The following ANKFY1 variants were observed in gnomAD, a reference collection of about 807,000 sequenced individuals.
The protein encoded by ANKFY1 is ankyrin repeat and FYVE domain-containing protein 1.
ANKFY1 carries 47 observed loss-of-function variants against 128.3 expected under a neutral mutation model. That is an observed-to-expected ratio of 0.37 (90% CI 0.29 to 0.47). The LOEUF (loss-of-function observed/expected upper bound fraction) is 0.47. Among genes scored for constraint, ANKFY1 ranks in the 20% least tolerant of loss-of-function variants. ANKFY1 has a pLI of 1.00. For synonymous variants in ANKFY1, 553 were observed against 601.6 expected (o/e 0.92, Z 1.18); for missense variants, 1,222 against 1,510.6 (o/e 0.81, Z 3.17).
intron 4 of ANKFY1, among the ~76,000 whole-genome samples, chr17:4,215,606 C>T (rs965533946): frequency 2.6e-4 from 40 of 152,110 alleles, no homozygotes; most frequent in African/African-American, 8.0e-4. Context: ...TTAAGAAAGC[C>T]ATGACAGATA....
chr17:4,189,111 AAGTCCATAGCATCT>A (rs1309791636), intron 11 of ANKFY1, among the ~76,000 whole-genome samples: 2 of 152,152 alleles, frequency 1.3e-5, no homozygotes, highest in Non-Finnish European at 2.9e-5. Context: ...ACCTCTATTA[AAGTCCATAGCATCT>A]AGTTCGGGGT....
chr17:4,229,664 A>G lies in ANKFY1; in HGVS notation c.322+6108T>C, dbSNP rs566966914. On this transcript the variant is annotated intron_variant, in intron 3 of 24. Transcript: ENST00000341657. ...CCCAAAAGCAGTATGAGGATTAAGTAAAGAATATAACCGCAGATAAAATAG... is the reference window on the plus strand; with the variant it reads ...CCCAAAAGCAGTATGAGGATTAAGTGAAGAATATAACCGCAGATAAAATAG... Among the ~76,000 whole-genome samples the G allele has an allele frequency of 1.2e-4, 18 of 152,372 alleles. No individual in the cohort carries two copies. In the South Asian group the frequency reaches 3.7e-3, roughly 32 times the overall value.
chr17:4,172,789 AAAC>A, intron 21 of ANKFY1, 109 bp from the exon 22 acceptor site: 1 of 1,411,298 alleles, frequency 7.1e-7, no homozygotes, highest in Non-Finnish European at 9.5e-7. Flanking sequence ...AAAAGACACA[AAAC>A]AAGTCACAAA....
chr17:4,215,023 T>A lies in ANKFY1; in HGVS notation c.458+1960A>T, dbSNP rs189323906. Among the ~76,000 whole-genome samples the A allele has an allele frequency of 3.9e-4, 60 of 152,314 alleles. No individual in the cohort carries two copies. In the East Asian group the frequency reaches 0.011, roughly 28 times the overall value. On this transcript the variant is annotated intron_variant, in intron 4 of 24. Transcript: ENST00000341657. ...AAAAAGATTAGCCAGGCACGGTAGG[T>A]CACGCCTGTAATCCCAGCACTTTGG...
chr17:4,185,126 CCTCGGGTCCTTGGCTCATCCTGCCGCCAG>C, intron 11 of ANKFY1, 80 bp from the exon 12 acceptor site: 1 of 1,313,322 alleles, frequency 7.6e-7, no homozygotes, highest in Non-Finnish European at 1.1e-6. Flanking sequence ...AAGTGCAAAA[CCTCGGGTCCTTGGCTCATCCTGCCGCCAG>C]CTGCCCCTCC....
In ANKFY1 at chr17:4,242,280, T is replaced by C. The variant is rs1442615197; in HGVS notation, c.179A>G (p.Asp60Gly). Residue 60 changes from aspartate (D) to glycine (G), a missense_variant, in exon 2 of 25, where the codon GAC (aspartate) becomes GGC (glycine). By Grantham distance (94) the Asp-to-Gly change is moderately conservative. Coordinates refer to ENST00000341657, the MANE Select transcript of ANKFY1 (RefSeq NM_001330063.2). Reference sequence around the variant, plus strand: ...CCTGTACTGCTCCTGCTCGTAGAGGTCTGCCACGATGGCCAGCAGACGGCT... The same window carrying C: ...CCTGTACTGCTCCTGCTCGTAGAGGCCTGCCACGATGGCCAGCAGACGGCT... ...FISRLLAIVADLYEQEQYSDL... is the reference protein window; with the variant it reads ...FISRLLAIVAGLYEQEQYSDL... The C allele has an allele frequency of 1.3e-6, 2 of 1,590,768 alleles. No homozygotes were observed. The highest frequency in any genetic ancestry group is 1.8e-5 in the Admixed American group (1 of 54,720).
intron 19 of ANKFY1, 94 bp from the exon 20 acceptor site, chr17:4,174,150 G>C: frequency 1.4e-6 from 2 of 1,432,014 alleles, no homozygotes; most frequent in Non-Finnish European, 1.9e-6. Context: ...GACACCCACA[G>C]AGGCTGATGG....
chr17:4,258,707 G>A (rs1443942852), intron 1 of ANKFY1, among the ~76,000 whole-genome samples: 1 of 152,048 alleles, frequency 6.6e-6, no homozygotes, highest in African/African-American at 2.4e-5. Flanking sequence ...TGAGTACTTG[G>A]AATAGGACTA....
chr17:4,248,120 G>A (rs1457564212), intron 1 of ANKFY1, among the ~76,000 whole-genome samples: 1 of 152,108 alleles, frequency 6.6e-6, no homozygotes, highest in Non-Finnish European at 1.5e-5. Flanking sequence ...TTCTCACATG[G>A]AAAATGAGAC....
At chr17:4,244,624 C>T (rs112856699) in intron 1 of ANKFY1, among the ~76,000 whole-genome samples, 1,778 of 152,224 alleles carry the variant, frequency 0.012, 21 homozygotes, top group Non-Finnish European at 0.018. Context: ...CTGCCTCATT[C>T]CATGCCAACA....
At chr17:4,198,458 G>A (rs1418366842) in intron 7 of ANKFY1, among the ~76,000 whole-genome samples, 6 of 150,584 alleles carry the variant, frequency 4.0e-5, no homozygotes, top group South Asian at 2.1e-4. Context: ...TGCAACTTCC[G>A]CCTCCGAAAT....
intron 8 of ANKFY1, among the ~76,000 whole-genome samples, chr17:4,196,092 C>T (rs1342848530): frequency 1.7e-4 from 19 of 112,590 alleles, no homozygotes; most frequent in African/African-American, 6.6e-4. Flanking sequence ...CCCCGCCCCC[C>T]ACCTCCCCCC....
chr17:4,255,543 C>T (rs981470202), intron 1 of ANKFY1, among the ~76,000 whole-genome samples: 5 of 151,996 alleles, frequency 3.3e-5, no homozygotes, highest in African/African-American at 1.2e-4. Context: ...AGCCACCGTG[C>T]CCAGTCTCTT....
At chr17:4,248,521 T>C (rs139667519) in intron 1 of ANKFY1, among the ~76,000 whole-genome samples, 1 of 152,324 alleles carries the variant, frequency 6.6e-6, no homozygotes, top group African/African-American at 2.4e-5. Flanking sequence ...GTCATTAGGA[T>C]AGGTTAAATC....
intron 24 of ANKFY1, 171 bp from the exon 25 acceptor site, chr17:4,168,082 T>C: frequency 1.5e-6 from 1 of 646,600 alleles, no homozygotes. Flanking sequence ...ATTTTTAGTC[T>C]ATGAAAACAA....
At position 4,167,989 on chromosome 17, in the gene ANKFY1, G is replaced by A; in HGVS notation, c.3378-78C>T. The A allele has an allele frequency of 6.7e-7, 1 of 1,488,652 alleles. No homozygotes were observed. Among genetic ancestry groups the A allele is most frequent in the Non-Finnish European group, 9.0e-7 (1 of 1,106,484 alleles). 92.2% of individuals were successfully genotyped at this position (1,488,652 alleles called of 1,614,324 possible). On this transcript the variant is annotated intron_variant, in intron 24 of 24. Transcript: ENST00000341657. The surrounding 1 kb of genome is among the most constrained non-coding windows in gnomAD (Gnocchi z 4.1). ...TTCCTGGCACGTGAGGACAACCGCA[G>A]CAGGGCCTGGCAGCCAAGGCGCCCG...
At chr17:4,197,192 C>T (rs920349836) in intron 8 of ANKFY1, among the ~76,000 whole-genome samples, 181 bp downstream of exon 8, 2 of 152,180 alleles carry the variant, frequency 1.3e-5, no homozygotes, top group Admixed American at 1.3e-4. Flanking sequence ...ATGTTTTCCC[C>T]AAATGCCTCT....
intron 1 of ANKFY1, among the ~76,000 whole-genome samples, chr17:4,244,518 A>G (rs1008374425): frequency 1.3e-5 from 2 of 152,012 alleles, no homozygotes; most frequent in African/African-American, 4.8e-5. Flanking sequence ...TGCTGCTACA[A>G]TCATCCTCCG....
At chr17:4,215,813 C>A (rs1162695954) in intron 4 of ANKFY1, among the ~76,000 whole-genome samples, 1 of 152,162 alleles carries the variant, frequency 6.6e-6, no homozygotes, top group Non-Finnish European at 1.5e-5. Context: ...CTGACAAGGT[C>A]AACAGGAGAA....
Sources: allele counts gnomAD v4.1 joint callset (sites outside exome capture counted in the v4.1 genomes callset), GRCh38; gene constraint gnomAD v4.1.1; non-coding constraint Gnocchi (gnomAD v3.1); transcripts MANE v1.5; gene names NCBI Gene and HGNC (gene_info 2026-07-23, HGNC 2026-07-21).